POLG: variants seen among roughly 807,000 people sequenced by gnomAD.
The protein encoded by POLG is DNA polymerase subunit gamma-1.
In POLG, 110 loss-of-function variants were observed where a neutral mutation model predicts 155.4. The ratio of observed to expected loss-of-function variants is 0.71; its 90% CI spans 0.61 to 0.83. The LOEUF (loss-of-function observed/expected upper bound fraction) is 0.83, where lower values mean the gene tolerates loss of function less well. Ranked by LOEUF, POLG falls within the 40% of genes least tolerant of loss-of-function variation. The pLI, the probability that POLG is intolerant of heterozygous loss-of-function variation, is 0.00. For missense variants in POLG, 1,685 were observed against 1,627.5 expected (o/e 1.04, Z -0.61); for synonymous variants, 701 against 631.5 (o/e 1.11, Z -1.65).
Position 89,325,075 on chromosome 15 carries a change from AGT to A in POLG, c.1949+373_1949+374del, listed in dbSNP as rs1180305888. 9.0e-4 allele frequency among the ~76,000 whole-genome samples: 95 copies of A among 105,936 alleles called. 9 individuals carry two copies. The highest frequency in any genetic ancestry group is 3.6e-3 in the African/African-American group (84 of 23,590). 69.5% of individuals were successfully genotyped at this position (105,936 alleles called of 152,430 possible). On this transcript the variant is annotated intron_variant, in intron 10 of 22. Coordinates refer to ENST00000268124, the MANE Select transcript of POLG (RefSeq NM_002693.3). ...GAGTGAGAGAGTGAGTGAGTGAGTGAGTGAGTGAGAGAGTGAGTGAGTGAGAG... is the reference window on the plus strand; with the variant it reads ...GAGTGAGAGAGTGAGTGAGTGAGTGAGAGTGAGAGAGTGAGTGAGTGAGAG...
intron 9 of POLG, 47 bp from the exon 10 acceptor site, chr15:89,325,733 T>C: frequency 1.4e-6 from 2 of 1,399,824 alleles, no homozygotes; most frequent in South Asian, 1.1e-5. Context: ...TAAGGGCAGT[T>C]GTTGGGGGGA....
At chr15:89,333,953 T>C (rs2055635527) in intron 1 of POLG, 40 bp from the exon 2 acceptor site, 1 of 628,300 alleles carries the variant, frequency 1.6e-6, no homozygotes, top group Non-Finnish European at 2.8e-6. Context: ...TTTTACCATA[T>C]ATGTAATAGG....
intron 21 of POLG, 33 bp from the exon 22 acceptor site, chr15:89,317,569 G>A (rs2055315707): frequency 1.2e-6 from 2 of 1,607,616 alleles, no homozygotes; most frequent in South Asian, 2.2e-5. Context: ...TCACAGTCAT[G>A]CCCCTCCTGT....
chr15:89,325,034 C>CAGAGAGTGAGAGTG lies in POLG; in HGVS notation c.1949+415_1949+416insCACTCTCACTCTCT, dbSNP rs1249327710. Among the ~76,000 whole-genome samples the CAGAGAGTGAGAGTG allele has an allele frequency of 1.1e-4, 13 of 118,362 alleles. 1 individual carries two copies. The highest frequency in any genetic ancestry group is 4.0e-4 in the African/African-American group (11 of 27,744). The allele number at this position is 118,362 out of a possible 152,430, so 77.7% of individuals were successfully genotyped here. A position where few individuals can be genotyped will look rare whatever the true frequency, so the allele number is the denominator to read the frequency against. On this transcript the variant is annotated intron_variant, in intron 10 of 22. Transcript: ENST00000268124. The stretch of plus-strand genomic sequence containing the variant: ...AGCCATGGAAGAAAAAACCTGAACC[C>CAGAGAGTGAGAGTG]AGAGAGTGAGTGAGTGAGTGAGAGA...
In POLG at chr15:89,324,153, A is replaced by T. The variant is rs758972981; in HGVS notation, c.2024T>A (p.Leu675Gln). The change falls in exon 11 of 23, where the codon CTG becomes CAG. Residue 675 changes from leucine to glutamine, a missense_variant. Leu to Gln is a moderately radical substitution (Grantham distance 113). Around this residue, in one of 3 missense-constraint regions of POLG, gnomAD observed 1,210 missense variants for 1,167.1 expected, o/e 1.04. Transcript: ENST00000268124. ...GTCAGTGAGCAGGAACTCCTCCGCC[A>T]GGCCGGCCTCCTGGGGCATCAGCTG... ...KQQLMPQEAG[L>Q]AEEFLLTDNS... is the part of the protein sequence containing the mutation. 1.2e-6 allele frequency: 2 copies of T among 1,614,024 alleles called. No homozygotes were observed. Among genetic ancestry groups the T allele is most frequent in the Non-Finnish European group, 1.7e-6 (2 of 1,180,028 alleles).
At chr15:89,332,975 A>T in intron 2 of POLG, 121 bp downstream of exon 2, 3 of 1,326,720 alleles carry the variant, frequency 2.3e-6, no homozygotes, top group South Asian at 3.7e-5. Context: ...CTAATTCAAC[A>T]CATCAGCGCT....
intron 21 of POLG, chr15:89,318,122 T>C (rs1170206225): frequency 5.1e-6 from 1 of 194,430 alleles, no homozygotes; most frequent in African/African-American, 2.4e-5. Flanking sequence ...CAGTGTTTTC[T>C]GTTAGCAGTC....
At chr15:89,319,449 AC>A in intron 18 of POLG, 99 bp from the exon 19 acceptor site, 1 of 1,506,678 alleles carries the variant, frequency 6.6e-7, no homozygotes, top group South Asian at 1.2e-5. Context: ...ACTTTTAAAA[AC>A]ACTGACATCA....
In POLG at chr15:89,330,305, A is replaced by G. The variant is rs374159057; in HGVS notation, c.660-29T>C. The G allele has an allele frequency of 5.9e-4, 929 of 1,566,534 alleles. 1 individual carries two copies. Among genetic ancestry groups the G allele is most frequent in the Admixed American group, 1.0e-3 (59 of 59,286 alleles). The stretch of plus-strand genomic sequence containing the variant: ...AGGGAGGTGAGAGGCAGGCAGGTTC[A>G]CCATGGAGACATTAAACTTCCACTC... On this transcript the variant is annotated intron_variant, in intron 2 of 22. Coordinates refer to ENST00000268124, the MANE Select transcript of POLG (RefSeq NM_002693.3).
chr15:89,333,053 G>A (rs1407032575), intron 2 of POLG, 43 bp downstream of exon 2: 6 of 1,499,532 alleles, frequency 4.0e-6, no homozygotes, highest in East Asian at 2.3e-5. Context: ...TATTAAGCTG[G>A]GCCCCCATGC....
chr15:89,324,148 C>G lies in POLG; in HGVS notation c.2029G>C (p.Glu677Gln), dbSNP rs1342375141. 1 of 1,613,962 alleles carries G rather than the reference C, an allele frequency of 6.2e-7. No individual in the cohort carries two copies. Among genetic ancestry groups the G allele is most frequent in the Admixed American group, 1.7e-5 (1 of 60,016 alleles). The change falls in exon 11 of 23, where the codon GAG becomes CAG. Residue 677 changes from glutamate to glutamine, a missense_variant. Physicochemically the swap from Glu to Gln is conservative, Grantham distance 29. Transcript: ENST00000268124. ...CTATTGTCAGTGAGCAGGAACTCCT[C>G]CGCCAGGCCGGCCTCCTGGGGCATC... is the stretch of plus-strand genomic sequence containing the variant. ...QLMPQEAGLA[E>Q]EFLLTDNSAI...
rs1281692886 is a variant in POLG, at chr15:89,328,533, G to C, written c.1173C>G (p.Asp391Glu). 6.2e-7 allele frequency: 1 copy of C among 1,613,688 alleles called. No individual in the cohort carries two copies. Among genetic ancestry groups the C allele is most frequent in the Non-Finnish European group, 8.5e-7 (1 of 1,179,858 alleles). ...TMKDIRENFQ[D>E]LMQYCAQDVW... The stretch of plus-strand genomic sequence containing the variant: ...CGTCCTGGGCACAGTACTGCATCAG[G>C]TCCTGGCACAAGGTGACAGGAAGGC... Residue 391 changes from aspartate (D) to glutamate (E), a missense_variant and splice_region_variant, in exon 6 of 23, where the codon GAC (aspartate) becomes GAG (glutamate). Transcript: ENST00000268124.
chr15:89,325,464 C>A lies in POLG; in HGVS notation c.1935G>T (p.Val645=), dbSNP rs959453278. ...CTAAGCCTTACCTGTAGGGGCAGAC[C>A]ACCCCAGCTGACTCCAGGGTGGTAC... is the stretch of plus-strand genomic sequence containing the variant. The part of the protein sequence containing the change: ...PTGTTLESAG[V]VCPYRAIESL... Residue 645 remains valine, a synonymous_variant, in exon 10 of 23, where the codon GTG becomes GTT. Transcript: ENST00000268124. 6 of 1,602,796 alleles carry A rather than the reference C, an allele frequency of 3.7e-6. No homozygotes were observed. The highest frequency in any genetic ancestry group is 5.1e-6 in the Non-Finnish European group (6 of 1,179,068).
Position 89,317,547 on chromosome 15 carries a change from C to T in POLG, c.3483-11G>A, listed in dbSNP as rs1364541688. On this transcript the variant is annotated splice_polypyrimidine_tract_variant and intron_variant, in intron 21 of 22. Coordinates refer to ENST00000268124, the MANE Select transcript of POLG (RefSeq NM_002693.3). ...TAGGCAAACATGCACCTGAAAGAGA[C>T]CCAATCTACTCTCACAGTCATGCCC... 1 of 1,613,646 alleles carries T rather than the reference C, an allele frequency of 6.2e-7. No homozygotes were observed. Among genetic ancestry groups the T allele is most frequent in the East Asian group, 2.2e-5 (1 of 44,878 alleles).
At chr15:89,328,355 G>T in intron 6 of POLG, 101 bp downstream of exon 6, 2 of 891,300 alleles carry the variant, frequency 2.2e-6, no homozygotes, top group African/African-American at 1.7e-5. Flanking sequence ...GAAAAGCTAA[G>T]GTCCCCAACC....
intron 10 of POLG, among the ~76,000 whole-genome samples, chr15:89,324,464 C>G (rs2055443544): frequency 6.6e-6 from 1 of 152,258 alleles, no homozygotes; most frequent in Non-Finnish European, 1.5e-5. Context: ...CCAAGTTCCT[C>G]TTACACTACA....
Position 89,319,417 on chromosome 15 carries a change from G to C in POLG, c.2982-67C>G, listed in dbSNP as rs369049481. 51 of 1,598,690 alleles carry C rather than the reference G, an allele frequency of 3.2e-5. No individual in the cohort carries two copies. In the African/African-American group the frequency reaches 6.6e-4, roughly 21 times the overall value. On this transcript the variant is annotated intron_variant, in intron 18 of 22. Transcript: ENST00000268124. ...CTGTGCCACGCTAGTGCCTTGGCAA[G>C]GAATGTTCACATATCACTTCAACTT...
chr15:89,325,191 TGAGA>T lies in POLG; in HGVS notation c.1949+255_1949+258del, dbSNP rs1335228000. 7.1e-3 allele frequency among the ~76,000 whole-genome samples: 390 copies of T among 55,148 alleles called. 47 individuals carry two copies. Among genetic ancestry groups the T allele is most frequent in the Middle Eastern group, 0.042 (4 of 96 alleles). 36.2% of individuals were successfully genotyped at this position (55,148 alleles called of 152,430 possible). A position where few individuals can be genotyped will look rare whatever the true frequency, so the allele number is the denominator to read the frequency against. On this transcript the variant is annotated intron_variant, in intron 10 of 22. Transcript: ENST00000268124. ...GTGAGAGAGTGAGAGAGTGAGTGAG[TGAGA>T]GAGTGAGTGAGAGAGTGAGTGAGTG...
In POLG at chr15:89,325,436, G is replaced by A. The variant is rs754016118; in HGVS notation, c.1949+14C>T. 1.9e-6 allele frequency: 3 copies of A among 1,569,252 alleles called. No individual in the cohort carries two copies. The highest frequency in any genetic ancestry group is 3.3e-5 in the Admixed American group (2 of 59,952). ...TAGGCTCCAGCCCCTTCCTCCCCTG[G>A]GCCTAAGCCTTACCTGTAGGGGCAG... On this transcript the variant is annotated intron_variant, in intron 10 of 22. Coordinates refer to ENST00000268124, the MANE Select transcript of POLG (RefSeq NM_002693.3).
Sources: allele counts gnomAD v4.1 joint callset (sites outside exome capture counted in the v4.1 genomes callset), GRCh38; gene constraint gnomAD v4.1.1; regional missense constraint gnomAD v4.1.1; transcripts MANE v1.5; gene names NCBI Gene and HGNC (gene_info 2026-07-23, HGNC 2026-07-21).